KCMF1: variants seen among roughly 807,000 people sequenced by gnomAD.
The protein encoded by KCMF1 is E3 ubiquitin-protein ligase KCMF1.
Under a neutral mutation model 41.1 loss-of-function variants are expected in KCMF1, and 3 were observed. The ratio of observed to expected loss-of-function variants is 0.07; its 90% CI spans 0.03 to 0.19. KCMF1 has a LOEUF of 0.19. Ranked by LOEUF, KCMF1 falls within the 10% of genes least tolerant of loss-of-function variation. The pLI is 1.00. For missense variants in KCMF1, 286 were observed against 488.9 expected (o/e 0.58, Z 3.91); for synonymous variants, 142 against 164.5 (o/e 0.86, Z 1.04).
At chr2:84,998,785 T>G (rs934793849) in intron 1 of KCMF1, among the ~76,000 whole-genome samples, 1 of 149,178 alleles carries the variant, frequency 6.7e-6, no homozygotes, top group African/African-American at 2.5e-5. Context: ...TTTTTTTTTG[T>G]ATTTTTAGTA....
rs1410567412 is a variant in KCMF1, at chr2:85,059,193, C to A, written c.*5784C>A. On this transcript the variant is annotated 3_prime_UTR_variant, in exon 7 of 7. Coordinates refer to ENST00000409785, the MANE Select transcript of KCMF1 (RefSeq NM_020122.5). ...ATGACAATTAACAAGACACTAGTTT[C>A]CCCATAAAAGTCCATTTTTAAATAT... The A allele has an allele frequency of 6.6e-6, 1 of 152,148 alleles. No homozygotes were observed. The highest frequency in any genetic ancestry group is 2.4e-5 in the African/African-American group (1 of 41,446). The allele number at this position is 152,148 out of a possible 1,614,324, so 9.4% of individuals were successfully genotyped here. A position where few individuals can be genotyped will look rare whatever the true frequency, so the allele number is the denominator to read the frequency against.
chr2:85,025,960 A>T (rs1366305363), intron 1 of KCMF1, among the ~76,000 whole-genome samples: 1 of 152,022 alleles, frequency 6.6e-6, no homozygotes, highest in East Asian at 1.9e-4. Flanking sequence ...AAAACTATGA[A>T]ACCCACCTAC....
Position 84,997,432 on chromosome 2 carries a change from T to G in KCMF1, c.16+25965T>G, listed in dbSNP as rs1674204472. ...AAAAGGCGGTTACCATGCCCATGAT[T>G]CTTTTGTTTGCTTTTAAGACCGAAA... On this transcript the variant is annotated intron_variant, in intron 1 of 6. Coordinates refer to ENST00000409785, the MANE Select transcript of KCMF1 (RefSeq NM_020122.5). Among the ~76,000 whole-genome samples, 8 of 152,282 alleles carry G rather than the reference T, an allele frequency of 5.3e-5. No homozygotes were observed. In the South Asian group the frequency reaches 1.7e-3, roughly 32 times the overall value.
At chr2:85,024,695 T>C (rs941288091) in intron 1 of KCMF1, among the ~76,000 whole-genome samples, 1 of 152,148 alleles carries the variant, frequency 6.6e-6, no homozygotes, top group Non-Finnish European at 1.5e-5. Context: ...TCTAGAGATA[T>C]TTTTCATTGT....
intron 3 of KCMF1, among the ~76,000 whole-genome samples, chr2:85,041,337 C>T (rs904734486): frequency 5.9e-5 from 9 of 152,280 alleles, no homozygotes; most frequent in Non-Finnish European, 7.4e-5. Flanking sequence ...ATCCTTGTCT[C>T]GAAGGTGCTT....
In KCMF1 at chr2:84,989,987, C is replaced by T. The variant is rs946782531; in HGVS notation, c.16+18520C>T. ...TTGGAGGAGCAGGAAACTAACTGAA[C>T]AGCCTGGAGAATGGGAGGACCAGGT... On this transcript the variant is annotated intron_variant, in intron 1 of 6. Coordinates refer to ENST00000409785, the MANE Select transcript of KCMF1 (RefSeq NM_020122.5). Among the ~76,000 whole-genome samples, 10 of 152,164 alleles carry T rather than the reference C, an allele frequency of 6.6e-5. No individual in the cohort carries two copies. The East Asian group carries it at 1.7e-3, about 26-fold the overall frequency.
At chr2:84,991,615 C>T (rs1674045176) in intron 1 of KCMF1, among the ~76,000 whole-genome samples, 1 of 152,148 alleles carries the variant, frequency 6.6e-6, no homozygotes, top group African/African-American at 2.4e-5. Flanking sequence ...AGGTCCAGGC[C>T]TGGAGATCAC....
intron 1 of KCMF1, among the ~76,000 whole-genome samples, chr2:85,004,348 A>G (rs1158185353): frequency 6.6e-6 from 1 of 152,040 alleles, no homozygotes; most frequent in Non-Finnish European, 1.5e-5. Context: ...TGCCTCTACT[A>G]AAAGTACAAA....
chr2:85,002,357 T>C (rs1006090819), intron 1 of KCMF1, among the ~76,000 whole-genome samples: 3 of 152,234 alleles, frequency 2.0e-5, no homozygotes, highest in African/African-American at 4.8e-5. Flanking sequence ...GAGCATTCAC[T>C]GTACCATCAG....
chr2:85,028,758 G>C (rs758493205), intron 2 of KCMF1, among the ~76,000 whole-genome samples: 1 of 152,068 alleles, frequency 6.6e-6, no homozygotes, highest in African/African-American at 2.4e-5. Flanking sequence ...AAAGTGCTGG[G>C]ATTACAGGCG....
intron 1 of KCMF1, among the ~76,000 whole-genome samples, chr2:85,018,267 ATTTTTTT>A (rs373718008): frequency 2.4e-5 from 3 of 126,892 alleles, no homozygotes; most frequent in African/African-American, 8.7e-5. Context: ...ACTAAGCTAG[ATTTTTTT>A]TTTTTTTTTT....
intron 1 of KCMF1, among the ~76,000 whole-genome samples, chr2:85,021,655 A>G (rs1674944345): frequency 6.6e-6 from 1 of 152,140 alleles, no homozygotes; most frequent in African/African-American, 2.4e-5. Flanking sequence ...GAATGAGATA[A>G]TACTACCATT....
chr2:84,983,955 C>G (rs527689021), intron 1 of KCMF1, among the ~76,000 whole-genome samples: 60 of 152,308 alleles, frequency 3.9e-4, no homozygotes, highest in African/African-American at 1.4e-3. Context: ...AGTCTTAAAT[C>G]TTAAATTTTA....
At chr2:85,028,839 C>G (rs1574033761) in intron 2 of KCMF1, among the ~76,000 whole-genome samples, 1 of 151,992 alleles carries the variant, frequency 6.6e-6, no homozygotes. Context: ...TCATAGTTTA[C>G]TTGTTTAAAA....
At chr2:85,034,435 T>A (rs778345837) in intron 2 of KCMF1, among the ~76,000 whole-genome samples, 1 of 152,072 alleles carries the variant, frequency 6.6e-6, no homozygotes, top group African/African-American at 2.4e-5. Context: ...AAAAATAAAT[T>A]ACAATAAAAT....
Position 84,971,466 on chromosome 2 carries a change from A to G in KCMF1, c.15A>G (p.Glu5=). 7.8e-7 allele frequency: 1 copy of G among 1,278,826 alleles called. No individual in the cohort carries two copies. Among genetic ancestry groups the G allele is most frequent in the East Asian group, 4.2e-5 (1 of 23,592 alleles). 79.2% of individuals were successfully genotyped at this position (1,278,826 alleles called of 1,614,324 possible). Residue 5 remains glutamate, a splice_region_variant and synonymous_variant, in exon 1 of 7, where the codon GAA becomes GAG. Transcript: ENST00000409785. ...TCTGAACTAGGATGTCCCGACATGA[A>G]GGTGAGAGGAGCCCCCGCCCCCACC... MSRH[E]GVSCDACLKG...
intron 3 of KCMF1, among the ~76,000 whole-genome samples, chr2:85,042,002 T>G (rs922830929): frequency 3.3e-5 from 5 of 152,206 alleles, no homozygotes; most frequent in Non-Finnish European, 7.4e-5. Flanking sequence ...CTGTAAACTT[T>G]GACACATACA....
chr2:85,047,290 C>T (rs1336329312), intron 5 of KCMF1, among the ~76,000 whole-genome samples: 2 of 152,076 alleles, frequency 1.3e-5, no homozygotes, highest in Non-Finnish European at 2.9e-5. Flanking sequence ...ATGTCCAAAG[C>T]ACATTTGAAA....
chr2:84,974,243 G>T (rs1014551892), intron 1 of KCMF1, among the ~76,000 whole-genome samples: 2 of 152,146 alleles, frequency 1.3e-5, no homozygotes, highest in Non-Finnish European at 2.9e-5. Context: ...ATAATAGTCT[G>T]GTAAAAGGTT....
Sources: allele counts gnomAD v4.1 joint callset (sites outside exome capture counted in the v4.1 genomes callset), GRCh38; gene constraint gnomAD v4.1.1; transcripts MANE v1.5; gene names NCBI Gene and HGNC (gene_info 2026-07-23, HGNC 2026-07-21).